Variants in CA10 observed in about 807,000 individuals in gnomAD.
CA10 encodes carbonic anhydrase-related protein 10.
A neutral mutation model predicts 44.2 loss-of-function variants in CA10; 14 were observed. The ratio of observed to expected loss-of-function variants is 0.32; its 90% CI spans 0.21 to 0.50. The LOEUF is 0.50. Ranked by LOEUF, CA10 falls within the 20% of genes least tolerant of loss-of-function variation. CA10 has a pLI of 0.99. For synonymous variants in CA10, 159 were observed against 141.6 expected (o/e 1.12, Z -0.87); for missense variants, 350 against 409.7 (o/e 0.85, Z 1.26).
intron 1 of CA10, among the ~76,000 whole-genome samples, chr17:52,081,351 T>C (rs1315325600): frequency 6.6e-6 from 1 of 152,164 alleles, no homozygotes; most frequent in East Asian, 1.9e-4. Context: ...GTTTGGCTTC[T>C]TTAAGAAAAC....
chr17:52,004,782 T>G (rs1985542273), intron 2 of CA10, among the ~76,000 whole-genome samples: 1 of 151,838 alleles, frequency 6.6e-6, no homozygotes. Flanking sequence ...AAAATATGAA[T>G]GAGATAGTGA....
intron 2 of CA10, among the ~76,000 whole-genome samples, chr17:52,042,075 A>C (rs1986784514): frequency 6.6e-6 from 1 of 152,112 alleles, no homozygotes; most frequent in Non-Finnish European, 1.5e-5. Flanking sequence ...CTGGCATCTT[A>C]GAGATACTGA....
intron 3 of CA10, among the ~76,000 whole-genome samples, chr17:51,871,467 T>C (rs1412489477): frequency 7.0e-6 from 1 of 143,182 alleles, no homozygotes; most frequent in African/African-American, 2.6e-5. Flanking sequence ...CACGAACTCC[T>C]GACCTCAGGT....
chr17:51,789,443 T>C lies in CA10; in HGVS notation c.280-41625A>G, dbSNP rs111892528. The stretch of plus-strand genomic sequence containing the variant: ...TAGATGAAAGCTTAGTATTTCATCA[T>C]GAGTTTCTTCTATGTTCCATCAACA... On this transcript the variant is annotated intron_variant, in intron 3 of 8. Coordinates refer to ENST00000451037, the MANE Select transcript of CA10 (RefSeq NM_020178.5). 1.6e-3 allele frequency among the ~76,000 whole-genome samples: 239 copies of C among 152,376 alleles called. 1 individual carries two copies. Among genetic ancestry groups the C allele is most frequent in the African/African-American group, 5.4e-3 (224 of 41,592 alleles).
chr17:52,072,508 ATAC>A (rs1416129645), intron 1 of CA10, 115 bp from the exon 2 acceptor site: 17 of 661,546 alleles, frequency 2.6e-5, no homozygotes, highest in Non-Finnish European at 4.4e-5. Flanking sequence ...CCCCAAAGTC[ATAC>A]TACAACAGAA....
intron 3 of CA10, among the ~76,000 whole-genome samples, chr17:51,833,092 C>T (rs886989954): frequency 6.6e-5 from 10 of 152,124 alleles, no homozygotes; most frequent in African/African-American, 1.9e-4. Flanking sequence ...TTTAAAGAGG[C>T]CCTCTGGAAC....
intron 1 of CA10, among the ~76,000 whole-genome samples, chr17:52,146,349 TG>T (rs1989583509): frequency 6.6e-6 from 1 of 151,990 alleles, no homozygotes; most frequent in Non-Finnish European, 1.5e-5. Context: ...CACTTGAGGT[TG>T]GGAGTTTTAG....
At chr17:51,830,481 T>G (rs1398735057) in intron 3 of CA10, among the ~76,000 whole-genome samples, 1 of 152,140 alleles carries the variant, frequency 6.6e-6, no homozygotes, top group African/African-American at 2.4e-5. Flanking sequence ...TATGCTTCCA[T>G]GTTTTGTAGT....
At chr17:51,936,002 G>A (rs1982850226) in intron 2 of CA10, among the ~76,000 whole-genome samples, 1 of 152,154 alleles carries the variant, frequency 6.6e-6, no homozygotes, top group Non-Finnish European at 1.5e-5. Context: ...TCCTAAGCCA[G>A]CAGAATTTGC....
At chr17:52,061,373 C>T (rs1327021408) in intron 2 of CA10, among the ~76,000 whole-genome samples, 1 of 152,166 alleles carries the variant, frequency 6.6e-6, no homozygotes, top group African/African-American at 2.4e-5. Flanking sequence ...GATTTCTCCT[C>T]AGAGCCTCCA....
At chr17:51,698,081 G>T (rs1474426439) in intron 4 of CA10, among the ~76,000 whole-genome samples, 1 of 152,214 alleles carries the variant, frequency 6.6e-6, no homozygotes, top group East Asian at 1.9e-4. Flanking sequence ...AGCAGCTGCT[G>T]CCCTCTGTGG....
chr17:52,148,655 C>G (rs988526922), intron 1 of CA10, among the ~76,000 whole-genome samples: 1 of 152,122 alleles, frequency 6.6e-6, no homozygotes, highest in African/African-American at 2.4e-5. Flanking sequence ...GCCCTGAATG[C>G]AGAAAAGCCA....
At chr17:51,840,786 G>A (rs745398034) in intron 3 of CA10, among the ~76,000 whole-genome samples, 12 of 152,116 alleles carry the variant, frequency 7.9e-5, no homozygotes, top group Non-Finnish European at 1.6e-4. Flanking sequence ...ATGAAAATAC[G>A]ATATCAAAAC....
At chr17:51,633,921 T>C (rs1912709974) in intron 7 of CA10, among the ~76,000 whole-genome samples, 1 of 152,194 alleles carries the variant, frequency 6.6e-6, no homozygotes, top group Non-Finnish European at 1.5e-5. Flanking sequence ...AAATGCAGCA[T>C]CCAAAAAAGG....
At chr17:52,099,120 TG>T (rs772810540) in intron 1 of CA10, among the ~76,000 whole-genome samples, 8 of 151,992 alleles carry the variant, frequency 5.3e-5, no homozygotes, top group Non-Finnish European at 1.2e-4. Flanking sequence ...AGCTCAGACC[TG>T]CATTATTAGC....
At chr17:52,141,941 C>T (rs1884516470) in intron 1 of CA10, among the ~76,000 whole-genome samples, 1 of 152,098 alleles carries the variant, frequency 6.6e-6, no homozygotes, top group African/African-American at 2.4e-5. Context: ...GAAAGGCAGC[C>T]AGTGGATGGG....
intron 1 of CA10, among the ~76,000 whole-genome samples, chr17:52,132,935 G>C (rs946651191): frequency 2.0e-5 from 3 of 152,122 alleles, no homozygotes; most frequent in Non-Finnish European, 4.4e-5. Flanking sequence ...TAATATATGG[G>C]GTGGAATTAC....
chr17:51,679,871 G>A (rs540253115), intron 4 of CA10, among the ~76,000 whole-genome samples: 2 of 152,232 alleles, frequency 1.3e-5, no homozygotes, highest in East Asian at 3.9e-4. Flanking sequence ...TAAATGGTTG[G>A]GAAAAAACTC....
chr17:52,068,767 A>T (rs1987601531), intron 2 of CA10, among the ~76,000 whole-genome samples: 1 of 152,230 alleles, frequency 6.6e-6, no homozygotes, highest in Non-Finnish European at 1.5e-5. Flanking sequence ...TTGCCATCTT[A>T]GTGTGTCTTT....
Sources: allele counts gnomAD v4.1 joint callset (sites outside exome capture counted in the v4.1 genomes callset), GRCh38; gene constraint gnomAD v4.1.1; transcripts MANE v1.5; gene names NCBI Gene and HGNC (gene_info 2026-07-23, HGNC 2026-07-21).